Variants in SPSB1 observed in about 807,000 individuals in gnomAD.
SPSB1 encodes the protein SPRY domain-containing SOCS box protein 1.
In SPSB1, 8 loss-of-function variants were observed where a neutral mutation model predicts 21.2. That is an observed-to-expected ratio of 0.38 (90% CI 0.22 to 0.68). The LOEUF (loss-of-function observed/expected upper bound fraction) is 0.68. Ranked by LOEUF, SPSB1 falls within the 30% of genes least tolerant of loss-of-function variation. SPSB1 has a pLI of 0.53. For missense variants in SPSB1, 242 were observed against 377.8 expected (o/e 0.64, Z 2.98); for synonymous variants, 169 against 161.7 (o/e 1.05, Z -0.34).
Position 9,293,441 on chromosome 1 carries a change from C to T in SPSB1, c.-150+370C>T, listed in dbSNP as rs888132635. ...GCTGGGGCGCTCCGGGGCCGCCGACCCGTCCCCCCTTTAGCCCGGGGAAAG... is the reference window on the plus strand; with the variant it reads ...GCTGGGGCGCTCCGGGGCCGCCGACTCGTCCCCCCTTTAGCCCGGGGAAAG... On this transcript the variant is annotated intron_variant, in intron 1 of 2. Coordinates refer to ENST00000328089, the MANE Select transcript of SPSB1 (RefSeq NM_025106.4). The surrounding 1 kb of genome is among the most constrained non-coding windows in gnomAD (Gnocchi z 5.1). 2.0e-5 allele frequency among the ~76,000 whole-genome samples: 3 copies of T among 151,558 alleles called. No individual in the cohort carries two copies. The highest frequency in any genetic ancestry group is 7.3e-5 in the African/African-American group (3 of 41,372).
At chr1:9,353,218 G>A (rs2100512633) in intron 1 of SPSB1, among the ~76,000 whole-genome samples, 1 of 152,072 alleles carries the variant, frequency 6.6e-6, no homozygotes, top group South Asian at 2.1e-4. Context: ...AGCCGCCTCG[G>A]CCCTCCCAGC....
Position 9,321,407 on chromosome 1 carries a change from C to T in SPSB1, c.-150+28336C>T, listed in dbSNP as rs1241068590. ...GGCCCATTCTTGGGAGAGAGCGGATCCTGTGTGATTTTACGGAACTTGTCC... is the reference window on the plus strand; with the variant it reads ...GGCCCATTCTTGGGAGAGAGCGGATTCTGTGTGATTTTACGGAACTTGTCC... On this transcript the variant is annotated intron_variant, in intron 1 of 2. Transcript: ENST00000328089. The surrounding 1 kb of genome is among the most constrained non-coding windows in gnomAD (Gnocchi z 4.8). 1.3e-5 allele frequency among the ~76,000 whole-genome samples: 2 copies of T among 152,104 alleles called. No individual in the cohort carries two copies. Among genetic ancestry groups the T allele is most frequent in the African/African-American group, 4.8e-5 (2 of 41,416 alleles).
intron 1 of SPSB1, among the ~76,000 whole-genome samples, chr1:9,340,970 C>T (rs1640082271): frequency 6.6e-6 from 1 of 152,160 alleles, no homozygotes; most frequent in Non-Finnish European, 1.5e-5. Context: ...CTTCAATTTC[C>T]AACACTGGGC....
chr1:9,309,550 CGTG>C (rs1557447177), intron 1 of SPSB1, among the ~76,000 whole-genome samples: 1 of 152,064 alleles, frequency 6.6e-6, no homozygotes. Context: ...GCATTTAAAA[CGTG>C]GTAATCAGGC....
At chr1:9,297,461 G>A (rs538019299) in intron 1 of SPSB1, among the ~76,000 whole-genome samples, 1 of 152,172 alleles carries the variant, frequency 6.6e-6, no homozygotes, top group Admixed American at 6.5e-5. Flanking sequence ...CCTTTCCAAG[G>A]TCAGAGTGAG....
chr1:9,309,261 GGA>G (rs139194880), intron 1 of SPSB1, among the ~76,000 whole-genome samples: 4,015 of 147,080 alleles, frequency 0.027, 65 homozygotes, highest in Middle Eastern at 0.045. Context: ...GCTCCCCTGC[GGA>G]GAGAGAGAGA....
rs79517232 is a variant in SPSB1, at chr1:9,308,844, G to A, written c.-150+15773G>A. The stretch of plus-strand genomic sequence containing the variant: ...TTTTTTTCTACTGCGACAGTGGAAC[G>A]TGCCAGTCCTGTTGATTGGGCACCT... On this transcript the variant is annotated intron_variant, in intron 1 of 2. Coordinates refer to ENST00000328089, the MANE Select transcript of SPSB1 (RefSeq NM_025106.4). 8.0e-3 allele frequency among the ~76,000 whole-genome samples: 1,214 copies of A among 152,236 alleles called. 19 individuals carry two copies. Among genetic ancestry groups the A allele is most frequent in the African/African-American group, 0.028 (1,161 of 41,544 alleles).
chr1:9,338,321 A>T (rs981406070), intron 1 of SPSB1, among the ~76,000 whole-genome samples: 7 of 152,120 alleles, frequency 4.6e-5, no homozygotes, highest in Non-Finnish European at 1.5e-5. Context: ...CCCTGTCCCC[A>T]GGGAGGAGGT....
At chr1:9,328,497 G>A (rs1639856155) in intron 1 of SPSB1, among the ~76,000 whole-genome samples, 1 of 152,212 alleles carries the variant, frequency 6.6e-6, no homozygotes, top group South Asian at 2.1e-4. Context: ...ATCCGTCAAG[G>A]CCACTTCGGG....
intron 1 of SPSB1, among the ~76,000 whole-genome samples, chr1:9,354,612 A>G (rs984003929): frequency 1.3e-5 from 2 of 152,110 alleles, no homozygotes; most frequent in Admixed American, 1.3e-4. Flanking sequence ...CAGGAGTTCA[A>G]GACCAGCCTG....
intron 1 of SPSB1, among the ~76,000 whole-genome samples, chr1:9,323,081 C>T (rs746918644): frequency 1.1e-4 from 16 of 152,216 alleles, no homozygotes; most frequent in Admixed American, 2.0e-4. Flanking sequence ...GGCGGCCGCC[C>T]CTCCCCAGCT....
intron 1 of SPSB1, among the ~76,000 whole-genome samples, chr1:9,343,095 A>G (rs755577494): frequency 2.6e-5 from 4 of 152,170 alleles, no homozygotes; most frequent in Non-Finnish European, 5.9e-5. Flanking sequence ...GGTGAAATTC[A>G]CATAACATTC....
At chr1:9,303,329 C>A (rs569805007) in intron 1 of SPSB1, among the ~76,000 whole-genome samples, 22 of 152,202 alleles carry the variant, frequency 1.4e-4, no homozygotes. Context: ...AGAACCACAG[C>A]CAGCTGAGGT....
At chr1:9,307,095 T>G (rs985894628) in intron 1 of SPSB1, among the ~76,000 whole-genome samples, 9 of 151,862 alleles carry the variant, frequency 5.9e-5, no homozygotes, top group African/African-American at 2.2e-4. Context: ...GCCTGGCTAA[T>G]TTTTGTATTT....
At chr1:9,304,526 C>T (rs548886812) in intron 1 of SPSB1, among the ~76,000 whole-genome samples, 5 of 152,300 alleles carry the variant, frequency 3.3e-5, no homozygotes, top group African/African-American at 1.2e-4. Context: ...ATATCCCTGA[C>T]CTGCCAGTTG....
intron 1 of SPSB1, among the ~76,000 whole-genome samples, chr1:9,318,139 G>T (rs1411163270): frequency 2.0e-5 from 3 of 152,262 alleles, no homozygotes; most frequent in Non-Finnish European, 2.9e-5. Context: ...CCCAGTGAGG[G>T]TGGGGCCCTG....
intron 1 of SPSB1, among the ~76,000 whole-genome samples, chr1:9,341,841 T>TATC (rs1640096937): frequency 6.6e-6 from 1 of 152,206 alleles, no homozygotes; most frequent in Admixed American, 6.5e-5. Context: ...TAGCTGGAAT[T>TATC]ACAGGCATGC....
chr1:9,344,428 G>A (rs868350426), intron 1 of SPSB1, among the ~76,000 whole-genome samples: 1 of 152,160 alleles, frequency 6.6e-6, no homozygotes, highest in Admixed American at 6.5e-5. Flanking sequence ...TGTGGGTCTC[G>A]TGACGGGACC....
chr1:9,359,987 C>A (rs1404453279), intron 2 of SPSB1, among the ~76,000 whole-genome samples: 1 of 152,102 alleles, frequency 6.6e-6, no homozygotes, highest in Non-Finnish European at 1.5e-5. Context: ...GGGCTGCTGA[C>A]CCGAGATGGG....
Sources: allele counts gnomAD v4.1 joint callset (sites outside exome capture counted in the v4.1 genomes callset), GRCh38; gene constraint gnomAD v4.1.1; non-coding constraint Gnocchi (gnomAD v3.1); transcripts MANE v1.5; gene names NCBI Gene and HGNC (gene_info 2026-07-23, HGNC 2026-07-21).